The following STAM variants were observed in gnomAD, a reference collection of about 807,000 sequenced individuals.
STAM encodes signal transducing adaptor molecule.
STAM carries 16 observed loss-of-function variants against 63.4 expected under a neutral mutation model. The observed-to-expected ratio is 0.25, with a 90% CI of 0.17 to 0.38. The LOEUF (loss-of-function observed/expected upper bound fraction) is 0.38, where lower values mean the gene tolerates loss of function less well. Ranked by LOEUF, STAM falls within the 10% of genes least tolerant of loss-of-function variation. The probability of loss-of-function intolerance (pLI) is 1.00; values close to 1 mark genes in which losing one functional copy is unlikely to be tolerated. For missense variants in STAM, 636 were observed against 657.1 expected (o/e 0.97, Z 0.35); for synonymous variants, 238 against 223.9 (o/e 1.06, Z -0.56).
intron 2 of STAM, among the ~76,000 whole-genome samples, chr10:17,680,106 T>A (rs1202255076): frequency 6.6e-6 from 1 of 152,314 alleles, no homozygotes; most frequent in Non-Finnish European, 1.5e-5. Flanking sequence ...TTTCCCTCCT[T>A]CTCCTTTGCT....
intron 2 of STAM, among the ~76,000 whole-genome samples, chr10:17,684,007 C>T (rs1835191171): frequency 6.6e-6 from 1 of 152,158 alleles, no homozygotes; most frequent in African/African-American, 2.4e-5. Context: ...GTCTAAACTC[C>T]CCTGTATATC....
chr10:17,704,804 A>T (rs1368889276), intron 10 of STAM, among the ~76,000 whole-genome samples, 166 bp from the exon 11 acceptor site: 2 of 152,238 alleles, frequency 1.3e-5, no homozygotes, highest in African/African-American at 4.8e-5. Flanking sequence ...TCACCATTAT[A>T]CTTTAAGAAA....
chr10:17,667,061 T>G (rs2131594835), intron 2 of STAM, among the ~76,000 whole-genome samples: 1 of 152,314 alleles, frequency 6.6e-6, no homozygotes, highest in Non-Finnish European at 1.5e-5. Context: ...AAGTGAGAAA[T>G]CTAATTGATA....
intron 1 of STAM, among the ~76,000 whole-genome samples, chr10:17,651,352 C>G (rs183145872): frequency 2.2e-3 from 337 of 152,214 alleles, no homozygotes; most frequent in Middle Eastern, 6.8e-3. Context: ...TAGCACCTGG[C>G]ATGTAGTAAC....
At chr10:17,701,530 T>C (rs184066176) in intron 9 of STAM, among the ~76,000 whole-genome samples, 2 of 152,324 alleles carry the variant, frequency 1.3e-5, no homozygotes, top group Non-Finnish European at 2.9e-5. Flanking sequence ...AGTGGAAGAA[T>C]TGAGTAGTAG....
intron 13 of STAM, among the ~76,000 whole-genome samples, chr10:17,712,388 A>G (rs1836594545): frequency 6.6e-6 from 1 of 152,222 alleles, no homozygotes; most frequent in Admixed American, 6.5e-5. Context: ...GAAATTTGAC[A>G]TCTCCTAATC....
At chr10:17,650,444 C>T (rs1321499639) in intron 1 of STAM, among the ~76,000 whole-genome samples, 1 of 152,178 alleles carries the variant, frequency 6.6e-6, no homozygotes, top group Non-Finnish European at 1.5e-5. Flanking sequence ...TGAAATTTTT[C>T]TTCTCAATTA....
At chr10:17,668,842 A>C (rs782726894) in intron 2 of STAM, among the ~76,000 whole-genome samples, 2 of 152,086 alleles carry the variant, frequency 1.3e-5, no homozygotes, top group Non-Finnish European at 2.9e-5. Flanking sequence ...TGGATGTTCT[A>C]CAGTTTGTTT....
rs1216812881 is a variant in STAM, at chr10:17,715,773, GTC to G, written c.*997_*998del. The G allele has an allele frequency of 1.3e-5, 2 of 152,546 alleles. No homozygotes were observed. Among genetic ancestry groups the G allele is most frequent in the Non-Finnish European group, 2.9e-5 (2 of 67,992 alleles). The allele number at this position is 152,546 out of a possible 1,614,324, so 9.4% of individuals were successfully genotyped here. A position where few individuals can be genotyped will look rare whatever the true frequency, so the allele number is the denominator to read the frequency against. ...ACCTGAATTACACTACATTTTCGAA[GTC>G]TCTTGTAATTATTTGGGATATCAAC... On this transcript the variant is annotated 3_prime_UTR_variant, in exon 14 of 14. Coordinates refer to ENST00000377524, the MANE Select transcript of STAM (RefSeq NM_003473.4).
intron 1 of STAM, among the ~76,000 whole-genome samples, chr10:17,652,832 G>C (rs1554821697): frequency 6.6e-6 from 1 of 152,162 alleles, no homozygotes; most frequent in Non-Finnish European, 1.5e-5. Flanking sequence ...AGTACCTAGG[G>C]AGCAGGCTCT....
intron 2 of STAM, among the ~76,000 whole-genome samples, chr10:17,670,760 A>G (rs1456350260): frequency 6.6e-6 from 1 of 151,296 alleles, no homozygotes; most frequent in African/African-American, 2.4e-5. Flanking sequence ...GTATATATTT[A>G]TATTCACGTT....
At chr10:17,684,537 C>T (rs957067653) in intron 2 of STAM, 138 bp from the exon 3 acceptor site, 15 of 562,990 alleles carry the variant, frequency 2.7e-5, no homozygotes, top group Non-Finnish European at 3.8e-5. Flanking sequence ...GTTTTTCAAC[C>T]GTGTTATTAA....
chr10:17,693,538 T>C (rs1052211763), intron 6 of STAM, among the ~76,000 whole-genome samples: 2 of 152,226 alleles, frequency 1.3e-5, no homozygotes, highest in Non-Finnish European at 2.9e-5. Flanking sequence ...CCAAAAACAA[T>C]ATCAAGTGCT....
At chr10:17,647,994 A>G (rs1209564227) in intron 1 of STAM, among the ~76,000 whole-genome samples, 1 of 151,048 alleles carries the variant, frequency 6.6e-6, no homozygotes, top group Non-Finnish European at 1.5e-5. Context: ...TCATTCCTTC[A>G]TCCTTGCCCT....
rs782495202 is a variant in STAM, at chr10:17,714,547, A to T, written c.1390A>T (p.Met464Leu). The change falls in exon 14 of 14, where the codon ATG (methionine) becomes TTG (leucine). Residue 464 changes from methionine (M) to leucine (L), a missense_variant. Met to Leu is a conservative substitution (Grantham distance 15). This residue lies in a region of STAM where 532 missense variants were observed against 536.9 expected (regional missense o/e 0.99). Transcript: ENST00000377524. ...AGTGTTTTTCTTCCTCCACAGTACA[A>T]TGGTCAGTTCCGTTCAAGGAAACAC... is the stretch of plus-strand genomic sequence containing the variant. ...QQTQAAYPNTMVSSVQGNTYP... is the reference protein window; with the variant it reads ...QQTQAAYPNTLVSSVQGNTYP... 2 of 1,613,848 alleles carry T rather than the reference A, an allele frequency of 1.2e-6. No homozygotes were observed. Among genetic ancestry groups the T allele is most frequent in the African/African-American group, 2.7e-5 (2 of 74,890 alleles).
rs782359623 is a variant in STAM at position 17,660,455 on chromosome 10, A to C, written c.41-9A>C. 2 of 1,567,354 alleles carry C rather than the reference A, an allele frequency of 1.3e-6. No homozygotes were observed. The highest frequency in any genetic ancestry group is 8.6e-7 in the Non-Finnish European group (1 of 1,158,142). The stretch of plus-strand genomic sequence containing the variant: ...ATAATGTTTCTGCAATCCCCTTTAC[A>C]ATCTACAGAGAAAGCAACCAGCGAG... On this transcript the variant is annotated splice_polypyrimidine_tract_variant and intron_variant, in intron 1 of 13. Coordinates refer to ENST00000377524, the MANE Select transcript of STAM (RefSeq NM_003473.4).
At chr10:17,669,888 T>C (rs565254481) in intron 2 of STAM, among the ~76,000 whole-genome samples, 24 of 145,162 alleles carry the variant, frequency 1.7e-4, no homozygotes, top group Admixed American at 4.1e-4. Flanking sequence ...TCTTTTCTTT[T>C]TTTTTTTTTT....
At chr10:17,696,452 T>C (rs1177632702) in intron 7 of STAM, among the ~76,000 whole-genome samples, 13 of 152,224 alleles carry the variant, frequency 8.5e-5, no homozygotes, top group Admixed American at 8.5e-4. Flanking sequence ...TATAGCTCAT[T>C]ACAAAGACTT....
chr10:17,653,450 G>T (rs1554821766), intron 1 of STAM, among the ~76,000 whole-genome samples: 2 of 152,150 alleles, frequency 1.3e-5, no homozygotes, highest in African/African-American at 4.8e-5. Context: ...GATACACATT[G>T]TGGTGATACA....
Sources: allele counts gnomAD v4.1 joint callset (sites outside exome capture counted in the v4.1 genomes callset), GRCh38; gene constraint gnomAD v4.1.1; regional missense constraint gnomAD v4.1.1; transcripts MANE v1.5; gene names NCBI Gene and HGNC (gene_info 2026-07-23, HGNC 2026-07-21).